NEB: variants seen among roughly 807,000 people sequenced by gnomAD.
The protein encoded by NEB is nemaline myopathy type 2.
A neutral mutation model predicts 952.2 loss-of-function variants in NEB; 512 were observed. The observed-to-expected ratio is 0.54, with a 90% CI of 0.50 to 0.58. The LOEUF (loss-of-function observed/expected upper bound fraction) is 0.58. Ranked by LOEUF, NEB falls within the 20% of genes least tolerant of loss-of-function variation. NEB has a pLI of 0.00. For synonymous variants in NEB, 2,900 were observed against 3,149.8 expected, an observed-to-expected ratio of 0.92 and a Z score of 2.66; for missense variants, 8,428 against 9,231.1, an observed-to-expected ratio of 0.91 and a Z score of 3.56.
rs774284999 is a variant in NEB at position 151,697,376 on chromosome 2, T to C, written c.1339A>G (p.Met447Val). 14 of 1,613,836 alleles carry C rather than the reference T, an allele frequency of 8.7e-6. No homozygotes were observed. The highest frequency in any genetic ancestry group is 5.3e-5 in the African/African-American group (4 of 74,952). Residue 447 changes from methionine to valine, a missense_variant, in exon 15 of 182, where the codon ATG (methionine) becomes GTG (valine). Met to Val is a conservative substitution (Grantham distance 21). Transcript: ENST00000397345. The stretch of plus-strand genomic sequence containing the variant: ...TCACTGTTTTGAGCTGTGACTTTCA[T>C]GCAGTGTGAATGGTATGGATCCTCG... ...SFEDPYHSHCMKVTAQNSDKN... is the reference protein window; with the variant it reads ...SFEDPYHSHCVKVTAQNSDKN...
At chr2:151,704,534 C>A (rs1245496389) in intron 13 of NEB, among the ~76,000 whole-genome samples, 1 of 151,808 alleles carries the variant, frequency 6.6e-6, no homozygotes, top group African/African-American at 2.4e-5. Context: ...TAGGACCCTC[C>A]GAGCCAGGTG....
In NEB at chr2:151,519,014, T is replaced by C; in HGVS notation, c.22646A>G (p.Glu7549Gly). 6.2e-7 allele frequency: 1 copy of C among 1,613,750 alleles called. No homozygotes were observed. Among genetic ancestry groups the C allele is most frequent in the Non-Finnish European group, 8.5e-7 (1 of 1,179,704 alleles). ...KLHKPVTDMK[E>G]SLIMNHVLNT... ...CAGGACATGATTCATGATCAGAGAC[T>C]CCTTCATGTCAGTCACGGGTTTGTG... Residue 7549 changes from glutamate (E) to glycine (G), a missense_variant, in exon 155 of 182, where the codon GAG becomes GGG. Glu to Gly is a moderately conservative substitution (Grantham distance 98, BLOSUM62 -2). Around this residue, in one of 11 missense-constraint regions of NEB, gnomAD observed 3,374 missense variants for 3,651.5 expected, o/e 0.92. Transcript: ENST00000397345.
intron 81 of NEB, among the ~76,000 whole-genome samples, chr2:151,609,421 A>G (rs2097849749): frequency 6.6e-6 from 1 of 152,122 alleles, no homozygotes; most frequent in Non-Finnish European, 1.5e-5. Context: ...ATATAGTAAT[A>G]AAGCTGAATT....
intron 65 of NEB, among the ~76,000 whole-genome samples, chr2:151,632,677 GA>G (rs761404681): frequency 3.7e-3 from 189 of 50,670 alleles, no homozygotes; most frequent in African/African-American, 5.8e-3. Context: ...CTCTGTCTCA[GA>G]AAAAAAAAAA....
At chr2:151,714,172 T>C (rs1349784345) in intron 10 of NEB, among the ~76,000 whole-genome samples, 20 of 152,252 alleles carry the variant, frequency 1.3e-4, no homozygotes, top group Non-Finnish European at 2.1e-4. Context: ...AGTTTCCTTA[T>C]CTGTCTAAGG....
intron 78 of NEB, among the ~76,000 whole-genome samples, 166 bp from the exon 79 acceptor site, chr2:151,611,032 G>A (rs1390654348): frequency 1.3e-5 from 2 of 152,158 alleles, no homozygotes; most frequent in Non-Finnish European, 2.9e-5. Flanking sequence ...GAGTCATGGG[G>A]AAAGTAAAAC....
At chr2:151,518,226 C>T (rs2079319214) in intron 156 of NEB, 92 bp downstream of exon 156, 1 of 921,896 alleles carries the variant, frequency 1.1e-6, no homozygotes. Context: ...TGTGCATTTT[C>T]TCAAACAATG....
At chr2:151,487,439 C>T (rs929608398) in intron 181 of NEB, among the ~76,000 whole-genome samples, 2 of 152,160 alleles carry the variant, frequency 1.3e-5, no homozygotes, top group Non-Finnish European at 2.9e-5. Flanking sequence ...AATAGATTTC[C>T]TTTCCCCTTT....
At chr2:151,650,931 T>C in intron 52 of NEB, 46 bp from the exon 53 acceptor site, 3 of 1,499,828 alleles carry the variant, frequency 2.0e-6, no homozygotes, top group Non-Finnish European at 2.7e-6. Flanking sequence ...AAAGGCCAAG[T>C]TAAGCTCAAC....
chr2:151,561,122 A>G lies in NEB; in HGVS notation c.19102-14T>C. On this transcript the variant is annotated splice_polypyrimidine_tract_variant and intron_variant, in intron 122 of 181. Coordinates refer to ENST00000397345, the MANE Select transcript of NEB (RefSeq NM_001164508.2). ...TTTATATTTTACCTGTAGACAAGCA[A>G]CAATAGGTTATTCACCTCTGTTGTT... 6.4e-7 allele frequency: 1 copy of G among 1,566,654 alleles called. No homozygotes were observed.
At chr2:151,488,660 A>G (rs554767843) in intron 181 of NEB, among the ~76,000 whole-genome samples, 24 of 152,200 alleles carry the variant, frequency 1.6e-4, no homozygotes, top group Admixed American at 5.2e-4. Flanking sequence ...AATAAAAAAA[A>G]AGTATTCTGT....
At chr2:151,718,693 A>G (rs1404774520) in intron 9 of NEB, among the ~76,000 whole-genome samples, 1 of 152,034 alleles carries the variant, frequency 6.6e-6, no homozygotes, top group Non-Finnish European at 1.5e-5. Flanking sequence ...CAGCTCTCTC[A>G]GTCATCCCTC....
chr2:151,627,788 C>G lies in NEB; in HGVS notation c.9878G>C (p.Gly3293Ala), dbSNP rs199890164. Residue 3293 changes from glycine to alanine, a missense_variant, in exon 69 of 182, where the codon GGA (glycine) becomes GCA (alanine). This residue lies in a region of NEB where 1,772 missense variants were observed against 1,960.3 expected (regional missense o/e 0.90). Transcript: ENST00000397345. ...GYRKQLGHHI[G>A]ARNIEDDPKM... The stretch of plus-strand genomic sequence containing the variant: ...GGGGTCATCTTCAATGTTCCGGGCT[C>G]CAATGTGGTGGCCGAGCTGCTTGCG... The G allele has an allele frequency of 1.4e-5, 23 of 1,613,776 alleles. No individual in the cohort carries two copies. In the African/African-American group the frequency reaches 2.7e-4, roughly 19 times the overall value.
At chr2:151,674,237 T>C (rs1371231032) in intron 36 of NEB, among the ~76,000 whole-genome samples, 1 of 152,150 alleles carries the variant, frequency 6.6e-6, no homozygotes, top group African/African-American at 2.4e-5. Context: ...TGAAGGTAAT[T>C]TGGGCTATGA....
chr2:151,684,033 C>T (rs1160728364), intron 28 of NEB, among the ~76,000 whole-genome samples: 6 of 151,840 alleles, frequency 4.0e-5, no homozygotes, highest in East Asian at 1.9e-4. Flanking sequence ...AGAAACAAAG[C>T]GTAGATTGGT....
At position 151,650,678 on chromosome 2, in the gene NEB, A is replaced by G. The variant is rs373895191; in HGVS notation, c.7123T>C (p.Leu2375=). Residue 2375 remains leucine, a synonymous_variant, in exon 53 of 182, where the codon TTG becomes CTG. Coordinates refer to ENST00000397345, the MANE Select transcript of NEB (RefSeq NM_001164508.2). ...TTCTTGTAGTCCACGTCACTAACCA[A>G]CTCCTGACACTTCTTGGCCAGTACC... ...GVVLAKKCQE[L]VSDVDYKNYL... 4.8e-5 allele frequency: 77 copies of G among 1,613,300 alleles called. No individual in the cohort carries two copies. The highest frequency in any genetic ancestry group is 6.4e-5 in the Non-Finnish European group (75 of 1,179,668).
At chr2:151,713,549 T>G (rs562338913) in intron 10 of NEB, among the ~76,000 whole-genome samples, 1 of 152,328 alleles carries the variant, frequency 6.6e-6, no homozygotes, top group Non-Finnish European at 1.5e-5. Flanking sequence ...TAAAAAAAAT[T>G]TAGGCTCCAG....
intron 81 of NEB, among the ~76,000 whole-genome samples, chr2:151,609,585 T>C (rs1445528854): frequency 6.6e-6 from 1 of 152,236 alleles, no homozygotes; most frequent in African/African-American, 2.4e-5. Context: ...CAACAATTAT[T>C]TTAAAAACAT....
chr2:151,493,327 T>C, intron 176 of NEB, 26 bp downstream of exon 176: 1 of 1,525,716 alleles, frequency 6.6e-7, no homozygotes, highest in Non-Finnish European at 9.1e-7. Context: ...GTTGTTGCAC[T>C]ATTTCTTTTT....
Sources: allele counts gnomAD v4.1 joint callset (sites outside exome capture counted in the v4.1 genomes callset), GRCh38; gene constraint gnomAD v4.1.1; regional missense constraint gnomAD v4.1.1; transcripts MANE v1.5; gene names NCBI Gene and HGNC (gene_info 2026-07-23, HGNC 2026-07-21).